Variants in ZMYM2 observed in about 807,000 individuals in gnomAD.
The protein encoded by ZMYM2 is zinc finger MYM-type containing 2.
Under a neutral mutation model 162.8 loss-of-function variants are expected in ZMYM2, and 56 were observed. The ratio of observed to expected loss-of-function variants is 0.34; its 90% CI spans 0.28 to 0.43. The LOEUF (loss-of-function observed/expected upper bound fraction) is 0.43, where lower values mean the gene tolerates loss of function less well. ZMYM2 is among the 20% of genes least tolerant of loss of function. The pLI, the probability that ZMYM2 is intolerant of heterozygous loss-of-function variation, is 1.00. For synonymous variants in ZMYM2, 510 were observed against 541.6 expected (o/e 0.94, Z 0.81); for missense variants, 1,275 against 1,621.8 (o/e 0.79, Z 3.67).
At chr13:19,944,908 T>A in the ZMYM2 span, among the ~76,000 whole-genome samples, 1 of 152,054 alleles carries the variant, frequency 6.6e-6, no homozygotes, top group Non-Finnish European at 1.5e-5. Flanking sequence ...TGACTTCAGG[T>A]GATCCTCCCA....
chr13:20,027,239 CT>C lies in ZMYM2; in HGVS notation c.1775del (p.Leu592TyrfsTer28). 6.3e-7 allele frequency: 1 copy of C among 1,584,770 alleles called. No individual in the cohort carries two copies. Among genetic ancestry groups the C allele is most frequent in the African/African-American group, 1.3e-5 (1 of 74,546 alleles). On this transcript the variant is annotated frameshift_variant, in exon 9 of 25. Coordinates refer to ENST00000610343, the MANE Select transcript of ZMYM2 (RefSeq NM_197968.4). LOFTEE classifies it high-confidence loss of function. ...GIICHFCKRNSLPQYQATMPD... is the reference protein window; with the variant it reads ...GIICHFCKRNXLPQYQATMPD... ...ATTTGCCATTTTTGTAAGCGAAACTCTTTACCTCAATACCAAGCCACAATGC... is the reference window on the plus strand; with the variant it reads ...ATTTGCCATTTTTGTAAGCGAAACTCTTACCTCAATACCAAGCCACAATGC...
At chr13:20,072,481 A>G (rs1957160050) in intron 21 of ZMYM2, among the ~76,000 whole-genome samples, 1 of 152,338 alleles carries the variant, frequency 6.6e-6, no homozygotes, top group African/African-American at 2.4e-5. Flanking sequence ...AGATCACGCC[A>G]TTGCACTCCA....
At chr13:20,051,724 G>T in intron 13 of ZMYM2, 126 bp downstream of exon 13, 1 of 926,968 alleles carries the variant, frequency 1.1e-6, no homozygotes, top group Non-Finnish European at 1.5e-6. Context: ...AAATTCCGTA[G>T]ATTCTCTGGG....
At chr13:20,081,747 TCTGA>T (rs1378473775) in intron 21 of ZMYM2, among the ~76,000 whole-genome samples, 1 of 152,124 alleles carries the variant, frequency 6.6e-6, no homozygotes, top group Non-Finnish European at 1.5e-5. Context: ...TTTTTTTCTG[TCTGA>T]CAGACTGAAG....
chr13:19,962,573 G>GGAGT, intron 2 of ZMYM2, among the ~76,000 whole-genome samples: 1 of 129,500 alleles, frequency 7.7e-6, no homozygotes, highest in Non-Finnish European at 1.5e-5. Flanking sequence ...TGCCCAGGCT[G>GGAGT]GAGTGCAGTG....
In ZMYM2 at chr13:19,993,398, A is replaced by G. The variant is rs754107695; in HGVS notation, c.326A>G (p.Gln109Arg). ...ITPSSKELASQKGSVSETIVI... is the reference protein window; with the variant it reads ...ITPSSKELASRKGSVSETIVI... Reference sequence around the variant, plus strand: ...CCTTCCTCAAAAGAGTTGGCATCTCAGAAGGGAAGTGTAAGTGAGACAATT... The same window carrying G: ...CCTTCCTCAAAAGAGTTGGCATCTCGGAAGGGAAGTGTAAGTGAGACAATT... The change falls in exon 3 of 25, where the codon CAG becomes CGG. Residue 109 changes from glutamine to arginine, a missense_variant. By Grantham distance (43) the Gln-to-Arg change is conservative. Around this residue, in one of 10 missense-constraint regions of ZMYM2, gnomAD observed 295 missense variants for 286.7 expected, o/e 1.03. Transcript: ENST00000610343. 2.5e-6 allele frequency: 4 copies of G among 1,613,702 alleles called. No homozygotes were observed. The Admixed American group carries it at 5.0e-5, about 20-fold the overall frequency.
chr13:19,992,821 A>C (rs944607739), intron 2 of ZMYM2, among the ~76,000 whole-genome samples: 1 of 152,086 alleles, frequency 6.6e-6, no homozygotes, highest in Non-Finnish European at 1.5e-5. Flanking sequence ...AATATATTGC[A>C]TATGATTAAT....
chr13:20,062,869 A>G lies in ZMYM2; in HGVS notation c.2935A>G (p.Ile979Val). The part of the protein sequence containing the change: ...INSVIIETDI[I>V]GSDLLKNSDP... ...AGGTGTAATTATTGAAACAGATATA[A>G]TTGGTTCAGACCTTTTGAAGAACTC... Residue 979 changes from isoleucine to valine, a missense_variant, in exon 18 of 25, where the codon ATT becomes GTT. Physicochemically the swap from Ile to Val is conservative, Grantham distance 29 (BLOSUM62 3). Transcript: ENST00000610343. 2 of 1,583,586 alleles carry G rather than the reference A, an allele frequency of 1.3e-6. No individual in the cohort carries two copies. The highest frequency in any genetic ancestry group is 1.7e-6 in the Non-Finnish European group (2 of 1,162,776).
intron 21 of ZMYM2, among the ~76,000 whole-genome samples, chr13:20,075,047 C>T (rs1216324519): frequency 6.6e-6 from 1 of 152,146 alleles, no homozygotes; most frequent in Admixed American, 6.5e-5. Context: ...TATTTATAAG[C>T]AGCTTTAAAA....
At chr13:20,046,189 T>C (rs1166028674) in intron 12 of ZMYM2, among the ~76,000 whole-genome samples, 1 of 151,056 alleles carries the variant, frequency 6.6e-6, no homozygotes, top group Non-Finnish European at 1.5e-5. Context: ...GAGTTCGAGG[T>C]GAGCTATGAT....
At position 20,088,182 on chromosome 13, in the gene ZMYM2, T is replaced by G. The variant is rs920572574; in HGVS notation, c.*2168T>G. On this transcript the variant is annotated 3_prime_UTR_variant, in exon 25 of 25. Transcript: ENST00000610343. ...TTAGAGCTCTTGTCTTTGTCTTGAT[T>G]GCAATCCAACGATAGATTAACTTGA... 1.5e-5 allele frequency: 3 copies of G among 206,422 alleles called. No homozygotes were observed. The highest frequency in any genetic ancestry group is 2.0e-5 in the Non-Finnish European group (2 of 100,946). The allele number at this position is 206,422 out of a possible 1,614,324, so 12.8% of individuals were successfully genotyped here.
At chr13:20,023,730 TA>T (rs1468787676) in intron 7 of ZMYM2, among the ~76,000 whole-genome samples, 9 of 152,212 alleles carry the variant, frequency 5.9e-5, no homozygotes, top group Admixed American at 5.9e-4. Context: ...ATAGGACGCA[TA>T]TAAATTTGTA....
At chr13:19,885,878 T>TAC in the ZMYM2 span, among the ~76,000 whole-genome samples, 66 of 107,338 alleles carry the variant, frequency 6.1e-4, 13 homozygotes, top group South Asian at 1.8e-3. Flanking sequence ...TATATGTATA[T>TAC]ACACATATAT....
chr13:19,968,060 A>T (rs1288777758), intron 2 of ZMYM2, among the ~76,000 whole-genome samples: 1 of 152,220 alleles, frequency 6.6e-6, no homozygotes, highest in African/African-American at 2.4e-5. Context: ...ACTTTTAGAA[A>T]GAAATCCACT....
At chr13:20,004,247 AGTTTTGTTTT>A (rs978265886) in intron 4 of ZMYM2, among the ~76,000 whole-genome samples, 4 of 151,700 alleles carry the variant, frequency 2.6e-5, no homozygotes, top group African/African-American at 9.7e-5. Flanking sequence ...CAGTATTGTC[AGTTTTGTTTT>A]GTTTTGTTTT....
intron 7 of ZMYM2, among the ~76,000 whole-genome samples, chr13:20,021,888 C>CT (rs1171581302): frequency 1.3e-5 from 2 of 152,128 alleles, no homozygotes; most frequent in Non-Finnish European, 2.9e-5. Flanking sequence ...AAGATCAGAG[C>CT]TTTTTTGTGC....
chr13:19,926,830 G>C, the ZMYM2 span, among the ~76,000 whole-genome samples: 39 of 152,030 alleles, frequency 2.6e-4, no homozygotes, highest in Admixed American at 2.6e-3. Flanking sequence ...ACTACGCCTG[G>C]CTAATTTTTG....
intron 2 of ZMYM2, among the ~76,000 whole-genome samples, chr13:19,987,358 G>A (rs950373272): frequency 2.6e-5 from 4 of 151,686 alleles, no homozygotes; most frequent in African/African-American, 9.7e-5. Flanking sequence ...CCACCTCCTT[G>A]GTTCAAGCGA....
Position 19,979,831 on chromosome 13 carries a change from A to G in ZMYM2, c.-10-13232A>G, listed in dbSNP as rs539467862. Among the ~76,000 whole-genome samples the G allele has an allele frequency of 1.1e-4, 17 of 152,164 alleles. No individual in the cohort carries two copies. In the South Asian group the frequency reaches 3.3e-3, roughly 30 times the overall value. On this transcript the variant is annotated intron_variant, in intron 2 of 24. Coordinates refer to ENST00000610343, the MANE Select transcript of ZMYM2 (RefSeq NM_197968.4). ...CAGCGTCTCCCTGGATTGCTCCTGT[A>G]TTTGTTTTAGGTGTACAGTCAGGTT...
Sources: gnomAD v4.1 joint callset for allele counts (sites outside exome capture counted in the v4.1 genomes callset) on GRCh38, gnomAD v4.1.1 for gene constraint, gnomAD v4.1.1 regional missense constraint, MANE v1.5 for transcripts, NCBI Gene and HGNC (gene_info 2026-07-23, HGNC 2026-07-21) for gene names.